GRK5: variants seen among roughly 807,000 people sequenced by gnomAD.
The protein encoded by GRK5 is G protein-coupled receptor kinase 5.
In GRK5, 40 loss-of-function variants were observed where a neutral mutation model predicts 78.4. The observed-to-expected ratio is 0.51, with a 90% CI of 0.40 to 0.66. The LOEUF is 0.66. Among genes scored for constraint, GRK5 ranks in the 30% least tolerant of loss-of-function variants. GRK5 has a pLI of 0.00. For synonymous variants in GRK5, 289 were observed against 296.8 expected, an observed-to-expected ratio of 0.97 and a Z score of 0.27; for missense variants, 598 against 759.9, an observed-to-expected ratio of 0.79 and a Z score of 2.50.
chr10:119,406,869 A>G (rs533227282), intron 4 of GRK5, among the ~76,000 whole-genome samples: 1 of 152,352 alleles, frequency 6.6e-6, no homozygotes, highest in South Asian at 2.1e-4. Context: ...ATCAAGCCAC[A>G]TGTGTGCTCA....
At chr10:119,402,146 A>T (rs960851367) in intron 4 of GRK5, among the ~76,000 whole-genome samples, 4 of 152,208 alleles carry the variant, frequency 2.6e-5, no homozygotes, top group African/African-American at 9.7e-5. Flanking sequence ...GGAGGCTGGG[A>T]AAGGCAGAGG....
intron 8 of GRK5, among the ~76,000 whole-genome samples, chr10:119,432,343 AAGGCTGAGGCAGG>A (rs1852836816): frequency 6.6e-6 from 1 of 152,108 alleles, no homozygotes; most frequent in Admixed American, 6.6e-5. Context: ...AGCTACTCAG[AAGGCTGAGGCAGG>A]AGGATTGCTT....
intron 2 of GRK5, among the ~76,000 whole-genome samples, chr10:119,338,555 T>C (rs59510192): frequency 0.013 from 2,004 of 152,320 alleles, 46 homozygotes; most frequent in African/African-American, 0.046. Flanking sequence ...ATAAATGTGA[T>C]GTACATTTTT....
At chr10:119,377,591 A>C (rs984977876) in intron 2 of GRK5, among the ~76,000 whole-genome samples, 2 of 152,170 alleles carry the variant, frequency 1.3e-5, no homozygotes, top group Non-Finnish European at 2.9e-5. Flanking sequence ...TCCTCTCTAC[A>C]GCTGGGAGAG....
At chr10:119,333,709 G>A (rs1850824161) in intron 2 of GRK5, 1 of 519,536 alleles carries the variant, frequency 1.9e-6, no homozygotes, top group Non-Finnish European at 3.9e-6. Flanking sequence ...TGTGTGCAGC[G>A]AGTTCCTCTG....
chr10:119,408,727 G>A (rs988336360), intron 4 of GRK5, among the ~76,000 whole-genome samples: 37 of 152,164 alleles, frequency 2.4e-4, no homozygotes, highest in African/African-American at 8.4e-4. Context: ...CTGCTTAACA[G>A]GTACAGAGTG....
chr10:119,266,735 T>G (rs1224120304), intron 1 of GRK5, among the ~76,000 whole-genome samples: 2 of 127,718 alleles, frequency 1.6e-5, no homozygotes, highest in African/African-American at 2.9e-5. Context: ...AGGCTTGGAT[T>G]TGGCCATTTG....
intron 1 of GRK5, among the ~76,000 whole-genome samples, chr10:119,243,651 A>G (rs1849060921): frequency 6.6e-6 from 1 of 151,278 alleles, no homozygotes; most frequent in Non-Finnish European, 1.5e-5. Flanking sequence ...TCAGGGGGTC[A>G]AAGAACAGCT....
At chr10:119,259,676 C>G (rs767006682) in intron 1 of GRK5, among the ~76,000 whole-genome samples, 1 of 152,206 alleles carries the variant, frequency 6.6e-6, no homozygotes, top group South Asian at 2.1e-4. Flanking sequence ...ATGGAACCTT[C>G]TGTGATGATG....
chr10:119,355,660 A>G (rs935477253), intron 2 of GRK5, among the ~76,000 whole-genome samples: 4 of 152,150 alleles, frequency 2.6e-5, no homozygotes, highest in African/African-American at 4.8e-5. Context: ...TGCACCTGTA[A>G]TCTCAGCTAC....
At chr10:119,387,424 C>T (rs1430472436) in intron 3 of GRK5, among the ~76,000 whole-genome samples, 1 of 152,158 alleles carries the variant, frequency 6.6e-6, no homozygotes, top group East Asian at 1.9e-4. Context: ...TACTAGACTG[C>T]AGGGGGAGTT....
Position 119,431,487 on chromosome 10 carries a change from A to T in GRK5, c.698A>T (p.Asn233Ile). 1 of 1,613,982 alleles carries T rather than the reference A, an allele frequency of 6.2e-7. No individual in the cohort carries two copies. Among genetic ancestry groups the T allele is most frequent in the Non-Finnish European group, 8.5e-7 (1 of 1,179,918 alleles). ...KKRKGESMAL[N>I]EKQILEKVNS... ...AGGAAAGGGGAGTCCATGGCCCTCAATGAGAAGCAGATCCTCGAGAAGGTC... is the reference window on the plus strand; with the variant it reads ...AGGAAAGGGGAGTCCATGGCCCTCATTGAGAAGCAGATCCTCGAGAAGGTC... Residue 233 changes from asparagine (N) to isoleucine (I), a missense_variant, in exon 8 of 16, where the codon AAT (asparagine) becomes ATT (isoleucine). By Grantham distance (149) the Asn-to-Ile change is moderately radical. Coordinates refer to ENST00000392870, the MANE Select transcript of GRK5 (RefSeq NM_005308.3). The surrounding 1 kb of genome is among the most constrained non-coding windows in gnomAD (Gnocchi z 4.8).
intron 2 of GRK5, among the ~76,000 whole-genome samples, chr10:119,358,188 T>G (rs964741971): frequency 1.3e-5 from 2 of 151,990 alleles, no homozygotes; most frequent in African/African-American, 4.8e-5. Flanking sequence ...CACAGGTAGG[T>G]GAGGGCAAGG....
chr10:119,282,222 G>T (rs1480485783), intron 1 of GRK5, among the ~76,000 whole-genome samples: 1 of 152,154 alleles, frequency 6.6e-6, no homozygotes, highest in East Asian at 1.9e-4. Flanking sequence ...CTTTAGTATC[G>T]TGAGTGAGCA....
intron 2 of GRK5, among the ~76,000 whole-genome samples, chr10:119,369,638 G>A (rs1319646863): frequency 6.6e-6 from 1 of 152,342 alleles, no homozygotes; most frequent in East Asian, 1.9e-4. Context: ...ACGCATGGGT[G>A]TGTTTCCTTT....
At chr10:119,225,771 A>G (rs1848726890) in intron 1 of GRK5, among the ~76,000 whole-genome samples, 1 of 144,798 alleles carries the variant, frequency 6.9e-6, no homozygotes, top group Non-Finnish European at 1.5e-5. Flanking sequence ...CCTGGGTTCA[A>G]GCAATTCTCC....
At chr10:119,440,886 G>A (rs760528512) in intron 10 of GRK5, among the ~76,000 whole-genome samples, 44 of 152,142 alleles carry the variant, frequency 2.9e-4, no homozygotes, top group Non-Finnish European at 6.0e-4. Context: ...CCTGCACAGA[G>A]AAGGGCAAGG....
chr10:119,372,709 A>G (rs544114127), intron 2 of GRK5, among the ~76,000 whole-genome samples: 2 of 152,322 alleles, frequency 1.3e-5, no homozygotes, highest in African/African-American at 4.8e-5. Context: ...GGTTCTTTCT[A>G]TATGGCCACA....
chr10:119,291,514 TCCTCCTCCTCTTCCTCCTCCTCCTCTTC>T (rs1849954426), intron 1 of GRK5, among the ~76,000 whole-genome samples: 2 of 130,636 alleles, frequency 1.5e-5, no homozygotes, highest in African/African-American at 6.3e-5. Context: ...TGCTGCCTCC[TCCTCCTCCTCTTCCTCCTCCTCCTCTTC>T]CTCCTCCTCC....
Sources: allele counts gnomAD v4.1 joint callset (sites outside exome capture counted in the v4.1 genomes callset), GRCh38; gene constraint gnomAD v4.1.1; non-coding constraint Gnocchi (gnomAD v3.1); transcripts MANE v1.5; gene names NCBI Gene and HGNC (gene_info 2026-07-23, HGNC 2026-07-21).